PRR16: variants seen among roughly 807,000 people sequenced by gnomAD.
The protein encoded by PRR16 is protein Largen.
PRR16 carries 6 observed loss-of-function variants against 18.2 expected under a neutral mutation model. The observed-to-expected ratio is 0.33, with a 90% CI of 0.18 to 0.65. The LOEUF is 0.65. Among genes scored for constraint, PRR16 ranks in the 30% least tolerant of loss-of-function variants. The probability of loss-of-function intolerance (pLI) is 0.74; values close to 1 mark genes in which losing one functional copy is unlikely to be tolerated. For missense variants in PRR16, 412 were observed against 376.6 expected, an observed-to-expected ratio of 1.09 and a Z score of -0.78; for synonymous variants, 151 against 147.8, an observed-to-expected ratio of 1.02 and a Z score of -0.16.
At chr5:120,563,406 C>T (rs1228167518) in intron 1 of PRR16, among the ~76,000 whole-genome samples, 1 of 152,146 alleles carries the variant, frequency 6.6e-6, no homozygotes, top group African/African-American at 2.4e-5. Context: ...TAGAAATTAG[C>T]CTGATGTTCT....
chr5:120,666,547 G>T (rs1756383958), intron 1 of PRR16, among the ~76,000 whole-genome samples: 1 of 151,976 alleles, frequency 6.6e-6, no homozygotes, highest in Non-Finnish European at 1.5e-5. Context: ...AGTTTTCAAA[G>T]GGAATGCTTC....
At chr5:120,735,624 T>A in the PRR16 span, among the ~76,000 whole-genome samples, 2 of 152,062 alleles carry the variant, frequency 1.3e-5, no homozygotes, top group Non-Finnish European at 2.9e-5. Context: ...TTTGGAGAAA[T>A]GACTATTCAA....
chr5:120,652,056 G>A (rs1205125731), intron 1 of PRR16, among the ~76,000 whole-genome samples: 1 of 152,052 alleles, frequency 6.6e-6, no homozygotes, highest in Non-Finnish European at 1.5e-5. Flanking sequence ...TCCCTTGTAA[G>A]TCAAATGATT....
chr5:120,605,459 CT>C (rs1754123723), intron 1 of PRR16, among the ~76,000 whole-genome samples: 2 of 152,210 alleles, frequency 1.3e-5, no homozygotes, highest in East Asian at 3.9e-4. Flanking sequence ...TGGGTTTAAA[CT>C]TTGTCCTGTA....
chr5:120,561,653 G>A (rs1009171772), intron 1 of PRR16, among the ~76,000 whole-genome samples: 34 of 152,216 alleles, frequency 2.2e-4, no homozygotes, highest in African/African-American at 8.2e-4. Context: ...TCCCCACCCA[G>A]ATTTCATCTT....
the PRR16 span, among the ~76,000 whole-genome samples, chr5:120,758,973 TC>T: frequency 5.9e-5 from 6 of 102,538 alleles, no homozygotes; most frequent in South Asian, 7.5e-4. Flanking sequence ...TACCATAATT[TC>T]TTTTTTTTTT....
chr5:120,558,842 C>T (rs1364873909), intron 1 of PRR16, among the ~76,000 whole-genome samples: 1 of 151,756 alleles, frequency 6.6e-6, no homozygotes, highest in African/African-American at 2.4e-5. Flanking sequence ...ACCATTTCAA[C>T]TAGAGAGATT....
chr5:120,586,687 G>C (rs1378657572), intron 1 of PRR16, among the ~76,000 whole-genome samples: 2 of 152,076 alleles, frequency 1.3e-5, no homozygotes, highest in East Asian at 3.9e-4. Flanking sequence ...TGTATGTTCT[G>C]ACTACTACAC....
chr5:120,738,123 A>T, the PRR16 span, among the ~76,000 whole-genome samples: 1 of 152,090 alleles, frequency 6.6e-6, no homozygotes, highest in Non-Finnish European at 1.5e-5. Context: ...ATTTCTGAAA[A>T]AAAAGATGAA....
chr5:120,490,135 G>A (rs1193384363), intron 1 of PRR16, among the ~76,000 whole-genome samples: 1 of 151,968 alleles, frequency 6.6e-6, no homozygotes, highest in Admixed American at 6.6e-5. Flanking sequence ...GTGTCTTGGA[G>A]TTGCTGTTCT....
chr5:120,667,688 A>G (rs1251547011), intron 1 of PRR16, among the ~76,000 whole-genome samples: 1 of 151,596 alleles, frequency 6.6e-6, no homozygotes, highest in Non-Finnish European at 1.5e-5. Context: ...GAACATCTTT[A>G]TTTCTGCCTT....
At chr5:120,492,016 A>T (rs1750069658) in intron 1 of PRR16, among the ~76,000 whole-genome samples, 1 of 152,092 alleles carries the variant, frequency 6.6e-6, no homozygotes, top group Non-Finnish European at 1.5e-5. Flanking sequence ...TATTATTACA[A>T]AATGTAAATA....
intron 1 of PRR16, among the ~76,000 whole-genome samples, chr5:120,599,660 G>A (rs955615040): frequency 7.9e-5 from 12 of 151,890 alleles, no homozygotes; most frequent in African/African-American, 2.7e-4. Flanking sequence ...TTCTTAACAT[G>A]TATTATCGTT....
At chr5:120,612,913 G>A (rs1754381076) in intron 1 of PRR16, among the ~76,000 whole-genome samples, 1 of 152,072 alleles carries the variant, frequency 6.6e-6, no homozygotes, top group African/African-American at 2.4e-5. Flanking sequence ...GCACTCAAAT[G>A]GGATGATCAT....
chr5:120,631,399 T>G (rs1223465670), intron 1 of PRR16, among the ~76,000 whole-genome samples: 1 of 152,068 alleles, frequency 6.6e-6, no homozygotes, highest in Non-Finnish European at 1.5e-5. Context: ...AAACTGTGAA[T>G]CGGCTTGCTT....
chr5:120,521,735 A>G lies in PRR16; in HGVS notation c.159+57090A>G, dbSNP rs1316771183. 2.6e-5 allele frequency among the ~76,000 whole-genome samples: 4 copies of G among 152,080 alleles called. No homozygotes were observed. In the East Asian group the frequency reaches 5.8e-4, roughly 22 times the overall value. ...TGTGCACAACATGCAGGTTTGTTAC[A>G]TATGTATACATGTGCCATGTTGGTG... On this transcript the variant is annotated intron_variant, in intron 1 of 1. Transcript: ENST00000407149.
chr5:120,704,564 C>T, the PRR16 span, among the ~76,000 whole-genome samples: 3 of 152,132 alleles, frequency 2.0e-5, no homozygotes, highest in Non-Finnish European at 4.4e-5. Flanking sequence ...TTTTAAAACT[C>T]ATGAGCCTTA....
chr5:120,543,308 T>G (rs300968), intron 1 of PRR16, among the ~76,000 whole-genome samples: 150,449 of 152,254 alleles, frequency 0.99, 74,354 homozygotes, highest in East Asian at 1. Flanking sequence ...GAGTGTGGCA[T>G]TTGGTGAGCA....
rs149738153 is a variant in PRR16 at position 120,586,962 on chromosome 5, T to A, written c.160-98992T>A. Among the ~76,000 whole-genome samples the A allele has an allele frequency of 8.1e-3, 1,236 of 152,280 alleles. 24 individuals carry two copies. The highest frequency in any genetic ancestry group is 0.028 in the African/African-American group (1,148 of 41,556). ...GTTGTGAATTCAATGGAAAGATTCTTGAAGAAAATTAAAAGTACTTCTCTG... is the reference window on the plus strand; with the variant it reads ...GTTGTGAATTCAATGGAAAGATTCTAGAAGAAAATTAAAAGTACTTCTCTG... On this transcript the variant is annotated intron_variant, in intron 1 of 1. Transcript: ENST00000407149.
Sources: gnomAD v4.1 joint callset for allele counts (sites outside exome capture counted in the v4.1 genomes callset) on GRCh38, gnomAD v4.1.1 for gene constraint, MANE v1.5 for transcripts, NCBI Gene and HGNC (gene_info 2026-07-23, HGNC 2026-07-21) for gene names.